Variants in KCNN3 observed in about 807,000 individuals in gnomAD.
KCNN3 encodes small conductance calcium-activated potassium channel protein 3.
Under a neutral mutation model 62.9 loss-of-function variants are expected in KCNN3, and 16 were observed. The ratio of observed to expected loss-of-function variants is 0.25; its 90% CI spans 0.17 to 0.39. The LOEUF (loss-of-function observed/expected upper bound fraction) is 0.39. KCNN3 is among the 10% of genes least tolerant of loss of function. The pLI, the probability that KCNN3 is intolerant of heterozygous loss-of-function variation, is 1.00. For missense variants in KCNN3, 599 were observed against 949.4 expected (o/e 0.63, Z 4.85); for synonymous variants, 370 against 389.2 (o/e 0.95, Z 0.58).
intron 2 of KCNN3, among the ~76,000 whole-genome samples, chr1:154,796,295 A>G (rs1649733150): frequency 6.6e-6 from 1 of 151,968 alleles, no homozygotes; most frequent in Non-Finnish European, 1.5e-5. Flanking sequence ...CCTGGTCTCC[A>G]CTCCAGATCT....
Position 154,772,477 on chromosome 1 carries a change from G to A in KCNN3, c.1030-84C>T. The A allele has an allele frequency of 7.1e-7, 1 of 1,413,648 alleles. No individual in the cohort carries two copies. Among genetic ancestry groups the A allele is most frequent in the East Asian group, 2.4e-5 (1 of 42,298 alleles). 87.6% of individuals were successfully genotyped at this position (1,413,648 alleles called of 1,614,324 possible). A position where few individuals can be genotyped will look rare whatever the true frequency, so the allele number is the denominator to read the frequency against. On this transcript the variant is annotated intron_variant, in intron 2 of 7. Coordinates refer to ENST00000271915, the MANE Select transcript of KCNN3 (RefSeq NM_002249.6). The surrounding 1 kb of genome is among the most constrained non-coding windows in gnomAD (Gnocchi z 5.6). ...CAGGCAGGACAGGTGGGGCAGGCTG[G>A]GGCAGGCTGCTGGGCTCAGGTCAGC...
At chr1:154,849,236 T>A (rs919994854) in intron 1 of KCNN3, among the ~76,000 whole-genome samples, 1 of 152,204 alleles carries the variant, frequency 6.6e-6, no homozygotes, top group African/African-American at 2.4e-5. Context: ...GCCCTGCATT[T>A]TCCTGCAAAT....
At chr1:154,800,341 A>T (rs72700264) in intron 2 of KCNN3, among the ~76,000 whole-genome samples, 10,325 of 152,224 alleles carry the variant, frequency 0.068, 411 homozygotes, top group Middle Eastern at 0.12. Flanking sequence ...ACCAGGGCCA[A>T]GCTCCTGTGC....
In KCNN3 at chr1:154,772,619, T is replaced by C. The variant is rs1362657039; in HGVS notation, c.1030-226A>G. Among the ~76,000 whole-genome samples, 4 of 152,230 alleles carry C rather than the reference T, an allele frequency of 2.6e-5. No homozygotes were observed. Among genetic ancestry groups the C allele is most frequent in the African/African-American group, 9.6e-5 (4 of 41,460 alleles). The stretch of plus-strand genomic sequence containing the variant: ...AGCCCTGGCTAAGACACTTTGACTC[T>C]CTTGGCCTCACTTTCCTCCTCTGCA... On this transcript the variant is annotated intron_variant, in intron 2 of 7. Transcript: ENST00000271915. The surrounding 1 kb of genome is among the most constrained non-coding windows in gnomAD (Gnocchi z 5.6).
intron 3 of KCNN3, among the ~76,000 whole-genome samples, chr1:154,749,593 G>A (rs1285491150): frequency 6.6e-6 from 1 of 152,260 alleles, no homozygotes; most frequent in Non-Finnish European, 1.5e-5. Flanking sequence ...AAGACAGGGT[G>A]CCAAGGAGGA....
intron 3 of KCNN3, among the ~76,000 whole-genome samples, chr1:154,761,147 AG>A (rs1452700841): frequency 8.5e-5 from 4 of 47,088 alleles, no homozygotes; most frequent in Non-Finnish European, 1.3e-4. Flanking sequence ...TACAATAAAA[AG>A]TAATAAAAAA....
chr1:154,725,825 G>A (rs186215370), intron 5 of KCNN3, 91 bp downstream of exon 5: 1 of 919,102 alleles, frequency 1.1e-6, no homozygotes, highest in Non-Finnish European at 1.8e-6. Flanking sequence ...TTACAGGCGT[G>A]AGCCACTGCA....
chr1:154,791,751 T>C (rs1051598217), intron 2 of KCNN3, among the ~76,000 whole-genome samples: 2 of 152,216 alleles, frequency 1.3e-5, no homozygotes, highest in Admixed American at 6.5e-5. Flanking sequence ...TTTTTGACAG[T>C]TGTGCTCCTC....
At chr1:154,776,922 T>C (rs1648816056) in intron 2 of KCNN3, among the ~76,000 whole-genome samples, 1 of 152,174 alleles carries the variant, frequency 6.6e-6, no homozygotes, top group African/African-American at 2.4e-5. Context: ...GAGTCTAAAA[T>C]GTAACCAGGG....
intron 7 of KCNN3, among the ~76,000 whole-genome samples, chr1:154,711,056 T>C (rs1045671159): frequency 1.4e-4 from 22 of 152,112 alleles, no homozygotes; most frequent in African/African-American, 4.8e-4. Context: ...ATGTTTATTG[T>C]GGCACTATTC....
At chr1:154,752,342 C>A (rs1647418840) in intron 3 of KCNN3, among the ~76,000 whole-genome samples, 2 of 152,226 alleles carry the variant, frequency 1.3e-5, no homozygotes, top group Admixed American at 1.3e-4. Flanking sequence ...ATAGGGACAT[C>A]AGCTTGTTAG....
At chr1:154,858,704 C>A (rs1012989312) in intron 1 of KCNN3, among the ~76,000 whole-genome samples, 3 of 151,338 alleles carry the variant, frequency 2.0e-5, no homozygotes, top group African/African-American at 7.3e-5. Flanking sequence ...CTGCCACTAA[C>A]AATGCTGAGT....
intron 3 of KCNN3, among the ~76,000 whole-genome samples, chr1:154,748,018 T>G (rs1700977128): frequency 6.6e-6 from 1 of 152,234 alleles, no homozygotes; most frequent in Non-Finnish European, 1.5e-5. Flanking sequence ...CCACCGGCTC[T>G]TGGCCATCTC....
At chr1:154,765,177 G>A (rs1571252891) in intron 3 of KCNN3, among the ~76,000 whole-genome samples, 1 of 152,182 alleles carries the variant, frequency 6.6e-6, no homozygotes, top group East Asian at 1.9e-4. Context: ...TGGAAAAGAG[G>A]AATCCGTTTC....
chr1:154,784,213 C>T (rs1263996804), intron 2 of KCNN3, among the ~76,000 whole-genome samples: 1 of 152,192 alleles, frequency 6.6e-6, no homozygotes, highest in African/African-American at 2.4e-5. Flanking sequence ...CCCCAGCCAT[C>T]TTTACATTGC....
intron 5 of KCNN3, among the ~76,000 whole-genome samples, chr1:154,720,731 A>G (rs1015954505): frequency 7.2e-5 from 11 of 152,226 alleles, no homozygotes; most frequent in African/African-American, 2.2e-4. Flanking sequence ...CTGAGAGTCT[A>G]AGGAGATCCA....
intron 4 of KCNN3, among the ~76,000 whole-genome samples, chr1:154,728,174 T>TG (rs1700509949): frequency 6.6e-6 from 1 of 152,242 alleles, no homozygotes; most frequent in African/African-American, 2.4e-5. Flanking sequence ...ACATTTTAGC[T>TG]GGCTGATTGC....
chr1:154,718,095 G>A (rs1052052358), intron 5 of KCNN3, among the ~76,000 whole-genome samples: 3 of 152,182 alleles, frequency 2.0e-5, no homozygotes, highest in Non-Finnish European at 4.4e-5. Context: ...GCAGCAGTGC[G>A]AGAGGGCAGG....
rs548356788 is a variant in KCNN3, at chr1:154,711,885, GGAGAGAAA to G, written c.1899+1571_1899+1578del. Among the ~76,000 whole-genome samples, 737 of 152,142 alleles carry G rather than the reference GGAGAGAAA, an allele frequency of 4.8e-3. 3 individuals carry two copies. The highest frequency in any genetic ancestry group is 0.017 in the African/African-American group (710 of 41,462). ...TGTCGCGGGGACAGGAGGCAGAGAG[GGAGAGAAA>G]GAGAGGAAGAGAGAGGGAGAGGAAG... On this transcript the variant is annotated intron_variant, in intron 7 of 7. Coordinates refer to ENST00000271915, the MANE Select transcript of KCNN3 (RefSeq NM_002249.6).
Sources: allele counts gnomAD v4.1 joint callset (sites outside exome capture counted in the v4.1 genomes callset), GRCh38; gene constraint gnomAD v4.1.1; non-coding constraint Gnocchi (gnomAD v3.1); transcripts MANE v1.5; gene names NCBI Gene and HGNC (gene_info 2026-07-23, HGNC 2026-07-21).